Variants in VASH1 observed in about 807,000 individuals in gnomAD.
The protein encoded by VASH1 is vasohibin 1.
In VASH1, 16 loss-of-function variants were observed where a neutral mutation model predicts 35.0. That is an observed-to-expected ratio of 0.46 (90% confidence interval 0.31 to 0.70). The LOEUF (loss-of-function observed/expected upper bound fraction) is 0.70. Ranked by LOEUF, VASH1 falls within the 30% of genes least tolerant of loss-of-function variation. VASH1 has a pLI of 0.05. For missense variants in VASH1, 505 were observed against 510.7 expected (o/e 0.99, Z 0.11); for synonymous variants, 214 against 200.9 (o/e 1.07, Z -0.55).
In VASH1 at chr14:76,778,004, A is replaced by C; in HGVS notation, c.958A>C (p.Lys320Gln). ...GPPSPTKDRK[K>Q]DVSSPQRAQS... ...TCCCTCTCCCACCAAGGACCGGAAG[A>C]AGGATGTTTCTTCCCCGCAGCGGGC... is the stretch of plus-strand genomic sequence containing the variant. Residue 320 changes from lysine to glutamine, a missense_variant, in exon 6 of 7, where the codon AAG becomes CAG. Physicochemically the swap from Lys to Gln is moderately conservative, Grantham distance 53. Coordinates refer to ENST00000167106, the MANE Select transcript of VASH1 (RefSeq NM_014909.5). 6.5e-7 allele frequency: 1 copy of C among 1,548,876 alleles called. No individual in the cohort carries two copies. The highest frequency in any genetic ancestry group is 1.2e-5 in the South Asian group (1 of 82,066).
At chr14:76,777,728 C>T (rs1197951012) in intron 5 of VASH1, among the ~76,000 whole-genome samples, 1 of 152,222 alleles carries the variant, frequency 6.6e-6, no homozygotes, top group African/African-American at 2.4e-5. Context: ...CCCACTTCCA[C>T]TCTGCCTTCA....
At chr14:76,774,502 C>T (rs1056179491) in intron 4 of VASH1, 12 of 152,296 alleles carry the variant, frequency 7.9e-5, no homozygotes, top group African/African-American at 2.9e-4. Flanking sequence ...ACACAGAAGT[C>T]ACTCCAGGCA....
intron 5 of VASH1, among the ~76,000 whole-genome samples, chr14:76,777,731 T>C (rs1490980675): frequency 6.6e-6 from 1 of 152,194 alleles, no homozygotes; most frequent in East Asian, 1.9e-4. Context: ...ACTTCCACTC[T>C]GCCTTCAGGA....
At position 76,779,469 on chromosome 14, in the gene VASH1, G is replaced by A. The variant is rs1894042480; in HGVS notation, c.*451G>A. 4.3e-6 allele frequency: 3 copies of A among 701,976 alleles called. No individual in the cohort carries two copies. The South Asian group carries it at 4.4e-5, about 10-fold the overall frequency. The allele number at this position is 701,976 out of a possible 1,614,324, so 43.5% of individuals were successfully genotyped here. ...CTGTGATGGGGGGTGGGGGTGGGGT[G>A]GAGATGTTTCTCCAGTTCTGCCTGC... On this transcript the variant is annotated 3_prime_UTR_variant, in exon 7 of 7. Coordinates refer to ENST00000167106, the MANE Select transcript of VASH1 (RefSeq NM_014909.5).
intron 2 of VASH1, among the ~76,000 whole-genome samples, chr14:76,770,612 G>GCTCTGGGCC (rs11282794): frequency 0.67 from 101,983 of 151,370 alleles, 34,638 homozygotes; most frequent in South Asian, 0.74. Flanking sequence ...CTGTGTCCCT[G>GCTCTGGGCC]CTCTAGCCCC....
intron 2 of VASH1, among the ~76,000 whole-genome samples, chr14:76,770,801 G>C (rs1893774286): frequency 1.3e-5 from 2 of 152,234 alleles, no homozygotes; most frequent in Admixed American, 1.3e-4. Context: ...AACTGGTCCA[G>C]TGAGGCAGGT....
At position 76,767,370 on chromosome 14, in the gene VASH1, C is replaced by A. The variant is rs1893671994; in HGVS notation, c.310-2593C>A. ...CAGCCCTATTGCCCTCTAGGCCACACTTTTTGGGCGCACACATCCAGCTGC... is the reference window on the plus strand; with the variant it reads ...CAGCCCTATTGCCCTCTAGGCCACAATTTTTGGGCGCACACATCCAGCTGC... On this transcript the variant is annotated intron_variant, in intron 1 of 6. Coordinates refer to ENST00000167106, the MANE Select transcript of VASH1 (RefSeq NM_014909.5). Among the ~76,000 whole-genome samples, 5 of 152,296 alleles carry A rather than the reference C, an allele frequency of 3.3e-5. No homozygotes were observed. The South Asian group carries it at 1.0e-3, about 32-fold the overall frequency.
At chr14:76,777,249 A>C (rs1490169179) in intron 5 of VASH1, among the ~76,000 whole-genome samples, 5 of 152,182 alleles carry the variant, frequency 3.3e-5, no homozygotes, top group Non-Finnish European at 5.9e-5. Flanking sequence ...TGCGTTAGAG[A>C]GGGGCTGCTC....
At chr14:76,771,354 T>C in intron 3 of VASH1, 108 bp downstream of exon 3, 2 of 1,115,922 alleles carry the variant, frequency 1.8e-6, no homozygotes, top group South Asian at 6.0e-5. Flanking sequence ...GGGACTCTTC[T>C]GAAGGAAGCC....
In VASH1 at chr14:76,771,182, G is replaced by T; in HGVS notation, c.399-8G>T. The T allele has an allele frequency of 6.3e-7, 1 of 1,587,776 alleles. No individual in the cohort carries two copies. The highest frequency in any genetic ancestry group is 8.6e-7 in the Non-Finnish European group (1 of 1,167,408). On this transcript the variant is annotated splice_polypyrimidine_tract_variant and splice_region_variant and intron_variant, in intron 2 of 6. Transcript: ENST00000167106. Reference sequence around the variant, plus strand: ...CCAAGCTAGGAAGCCCTTAACCCGTGCCCACAGGTACAATCACACAGGGAC... The same window carrying T: ...CCAAGCTAGGAAGCCCTTAACCCGTTCCCACAGGTACAATCACACAGGGAC...
rs1287289834 is a variant in VASH1 at position 76,781,463 on chromosome 14, G to A, written c.*2445G>A. ...TCTGGATGCTGCCGCTCAGGAGCAG[G>A]GGCGTGGCCTCAGCTGCCTCTGGGA... is the stretch of plus-strand genomic sequence containing the variant. On this transcript the variant is annotated 3_prime_UTR_variant, in exon 7 of 7. Transcript: ENST00000167106. 2 of 152,370 alleles carry A rather than the reference G, an allele frequency of 1.3e-5. No homozygotes were observed. The highest frequency in any genetic ancestry group is 2.4e-5 in the African/African-American group (1 of 41,436). The allele number at this position is 152,370 out of a possible 1,614,324, so 9.4% of individuals were successfully genotyped here.
chr14:76,768,760 G>A (rs772697399), intron 1 of VASH1, among the ~76,000 whole-genome samples: 3 of 152,114 alleles, frequency 2.0e-5, no homozygotes, highest in Non-Finnish European at 4.4e-5. Context: ...CCCTTCACAC[G>A]TGCCCCTGAG....
chr14:76,773,898 G>A (rs760486397), intron 4 of VASH1: 5 of 152,124 alleles, frequency 3.3e-5, no homozygotes, highest in Admixed American at 2.0e-4. Context: ...ATAAATACAC[G>A]TGAAACCTAG....
At chr14:76,778,138 T>TC (rs1265025458) in intron 6 of VASH1, 67 bp downstream of exon 6, 4 of 1,185,538 alleles carry the variant, frequency 3.4e-6, no homozygotes, top group South Asian at 2.0e-5. Context: ...ATCGTGTGGG[T>TC]CCCTTTTTTT....
In VASH1 at chr14:76,775,916, C is replaced by G; in HGVS notation, c.555C>G (p.Thr185=). 1 of 1,595,500 alleles carries G rather than the reference C, an allele frequency of 6.3e-7. No individual in the cohort carries two copies. The highest frequency in any genetic ancestry group is 1.1e-5 in the South Asian group (1 of 87,952). The change falls in exon 5 of 7, where the codon ACC becomes ACG. Residue 185 remains threonine (T), a synonymous_variant. Coordinates refer to ENST00000167106, the MANE Select transcript of VASH1 (RefSeq NM_014909.5). ...LGIYLTNSMP[T]LERFPISFKT... ...GTTACCTCACCAACAGCATGCCCAC[C>G]CTGGAGCGCTTCCCCATCAGCTTCA...
chr14:76,775,064 A>G (rs565241223), intron 4 of VASH1, among the ~76,000 whole-genome samples: 11 of 152,298 alleles, frequency 7.2e-5, no homozygotes, highest in African/African-American at 2.4e-4. Context: ...ACTTTCACTG[A>G]GTAACTGTTG....
At chr14:76,773,658 A>C in intron 4 of VASH1, 2 of 181,572 alleles carry the variant, frequency 1.1e-5, no homozygotes, top group African/African-American at 2.3e-5. Context: ...AACCACAAAC[A>C]AGGTTTTCCA....
At chr14:76,763,935 T>C (rs1434500019) in intron 1 of VASH1, among the ~76,000 whole-genome samples, 2 of 151,876 alleles carry the variant, frequency 1.3e-5, no homozygotes, top group African/African-American at 4.8e-5. Context: ...CTAGTGTGTG[T>C]GTTTGCTGAA....
intron 3 of VASH1, among the ~76,000 whole-genome samples, chr14:76,772,762 C>G (rs533862917): frequency 6.6e-6 from 1 of 152,218 alleles, no homozygotes; most frequent in African/African-American, 2.4e-5. Context: ...TCGATGCTGA[C>G]GTCCCTCCTC....
Sources: allele counts gnomAD v4.1 joint callset (sites outside exome capture counted in the v4.1 genomes callset), GRCh38; gene constraint gnomAD v4.1.1; transcripts MANE v1.5; gene names NCBI Gene and HGNC (gene_info 2026-07-23, HGNC 2026-07-21).